SRGAP3: variants seen among roughly 807,000 people sequenced by gnomAD.
SRGAP3 encodes the protein SLIT-ROBO Rho GTPase activating protein 3.
A neutral mutation model predicts 121.1 loss-of-function variants in SRGAP3; 39 were observed. The observed-to-expected ratio is 0.32, with a 90% CI of 0.25 to 0.42. The LOEUF (loss-of-function observed/expected upper bound fraction) is 0.42. Among genes scored for constraint, SRGAP3 ranks in the 10% least tolerant of loss-of-function variants. The pLI, the probability that SRGAP3 is intolerant of heterozygous loss-of-function variation, is 1.00. For synonymous variants in SRGAP3, 601 were observed against 570.0 expected (o/e 1.05, Z -0.77); for missense variants, 1,213 against 1,470.6 (o/e 0.82, Z 2.86).
chr3:9,334,833 T>C (rs1325090609), intron 1 of SRGAP3, among the ~76,000 whole-genome samples: 1 of 152,238 alleles, frequency 6.6e-6, no homozygotes, highest in Non-Finnish European at 1.5e-5. Context: ...CCCTTAGCCC[T>C]CTGGTTCTTA....
At chr3:9,353,991 G>A (rs1014278593) in intron 1 of SRGAP3, among the ~76,000 whole-genome samples, 2 of 152,122 alleles carry the variant, frequency 1.3e-5, no homozygotes, top group African/African-American at 2.4e-5. Flanking sequence ...CTCACAGTGC[G>A]GGGGATCAAG....
chr3:9,072,008 A>T (rs1946745730), intron 4 of SRGAP3, among the ~76,000 whole-genome samples: 1 of 152,136 alleles, frequency 6.6e-6, no homozygotes, highest in East Asian at 1.9e-4. Context: ...ACAGAGTGTC[A>T]TTTTTATCTA....
intron 1 of SRGAP3, among the ~76,000 whole-genome samples, chr3:9,158,664 G>A (rs1488961205): frequency 4.6e-5 from 7 of 152,190 alleles, no homozygotes; most frequent in Non-Finnish European, 8.8e-5. Context: ...AGAAATTTAA[G>A]AAGCTATTCT....
At chr3:9,334,080 T>C (rs548738651) in intron 1 of SRGAP3, among the ~76,000 whole-genome samples, 34 of 152,210 alleles carry the variant, frequency 2.2e-4, no homozygotes, top group African/African-American at 7.2e-4. Flanking sequence ...TCATTTAACA[T>C]GATATTAACA....
At chr3:9,311,198 C>T (rs1004307513) in intron 3 of SRGAP3, among the ~76,000 whole-genome samples, 1 of 151,826 alleles carries the variant, frequency 6.6e-6, no homozygotes, top group African/African-American at 2.4e-5. Flanking sequence ...CATACACCGA[C>T]ACTTCCAGGT....
Position 8,999,159 on chromosome 3 carries a change from C to A in SRGAP3, c.2228-4636G>T, listed in dbSNP as rs185440133. 1.2e-3 allele frequency among the ~76,000 whole-genome samples: 181 copies of A among 152,314 alleles called. 4 individuals carry two copies. Among genetic ancestry groups the A allele is most frequent in the East Asian group, 5.8e-4 (3 of 5,180 alleles). On this transcript the variant is annotated intron_variant, in intron 18 of 21. Transcript: ENST00000383836. ...AGGGAAGAGATGAACAGCCCAGCCC[C>A]TGAGCTACAGGAGAGGTTGAGACTG...
intron 1 of SRGAP3, among the ~76,000 whole-genome samples, chr3:9,185,784 A>T (rs563837034): frequency 1.6e-4 from 25 of 151,906 alleles, no homozygotes; most frequent in Admixed American, 7.9e-4. Flanking sequence ...TGATCCTCCC[A>T]CCTCGGCTTC....
chr3:9,342,226 C>G (rs899076908), intron 1 of SRGAP3, among the ~76,000 whole-genome samples: 2 of 151,950 alleles, frequency 1.3e-5, no homozygotes, highest in African/African-American at 4.8e-5. Flanking sequence ...TGGCGCATGC[C>G]TATAGTCCCA....
intron 3 of SRGAP3, among the ~76,000 whole-genome samples, chr3:9,258,316 A>G (rs772430644): frequency 2.4e-4 from 36 of 152,172 alleles, no homozygotes; most frequent in Non-Finnish European, 3.7e-4. Flanking sequence ...AGCTAAGGGA[A>G]CTGCATGAGC....
intron 1 of SRGAP3, among the ~76,000 whole-genome samples, chr3:9,208,201 G>A (rs1952331411): frequency 6.6e-6 from 1 of 152,062 alleles, no homozygotes; most frequent in Admixed American, 6.5e-5. Flanking sequence ...AGATGTTTAT[G>A]GGTTTTGACC....
At chr3:9,244,803 T>C (rs1953765282) in intron 1 of SRGAP3, among the ~76,000 whole-genome samples, 1 of 152,226 alleles carries the variant, frequency 6.6e-6, no homozygotes, top group Admixed American at 6.5e-5. Context: ...GGACAGGAAG[T>C]AATGTCCATT....
chr3:9,121,917 T>C (rs981766388), intron 2 of SRGAP3, among the ~76,000 whole-genome samples: 1 of 152,192 alleles, frequency 6.6e-6, no homozygotes, highest in Non-Finnish European at 1.5e-5. Flanking sequence ...ATGTCTGCTG[T>C]GCCTGTGGTT....
chr3:9,101,594 G>A (rs1165469143), intron 3 of SRGAP3, among the ~76,000 whole-genome samples: 1 of 152,158 alleles, frequency 6.6e-6, no homozygotes, highest in East Asian at 1.9e-4. Flanking sequence ...AGAGCCCCTC[G>A]CCTCCCCACA....
At chr3:9,049,053 A>G (rs1208747048) in intron 9 of SRGAP3, among the ~76,000 whole-genome samples, 2 of 152,236 alleles carry the variant, frequency 1.3e-5, no homozygotes, top group Admixed American at 6.5e-5. Flanking sequence ...TAGTTTCTCA[A>G]AGAGAAACCC....
intron 4 of SRGAP3, among the ~76,000 whole-genome samples, chr3:9,066,887 T>C (rs988657472): frequency 2.0e-5 from 3 of 152,174 alleles, no homozygotes; most frequent in Non-Finnish European, 4.4e-5. Context: ...TGGCAACATA[T>C]ATTGTAGATC....
intron 1 of SRGAP3, among the ~76,000 whole-genome samples, chr3:9,185,313 A>G (rs1951560786): frequency 6.6e-6 from 1 of 152,118 alleles, no homozygotes; most frequent in African/African-American, 2.4e-5. Context: ...CTACCTGGCG[A>G]GGCCAGATTC....
rs1399976854 is a variant in SRGAP3 at position 9,025,784 on chromosome 3, T to C, written c.1601-446A>G. Among the ~76,000 whole-genome samples, 3 of 152,162 alleles carry C rather than the reference T, an allele frequency of 2.0e-5. No homozygotes were observed. In the East Asian group the frequency reaches 5.8e-4, roughly 29 times the overall value. ...TATACATGACATGACAGTAATGACA[T>C]AACAGCAGCCTGTACAACTGAAGGA... On this transcript the variant is annotated intron_variant, in intron 13 of 21. Transcript: ENST00000383836.
chr3:9,115,210 C>T (rs963547309), intron 2 of SRGAP3, among the ~76,000 whole-genome samples: 5 of 152,164 alleles, frequency 3.3e-5, no homozygotes, highest in African/African-American at 4.8e-5. Context: ...ACTCCTTCAA[C>T]TCTCACCAGG....
At chr3:8,996,843 TC>T (rs1487283583) in intron 18 of SRGAP3, among the ~76,000 whole-genome samples, 1 of 152,150 alleles carries the variant, frequency 6.6e-6, no homozygotes, top group Non-Finnish European at 1.5e-5. Context: ...TGACCCAGAT[TC>T]CCCAAACTAA....
Sources: gnomAD v4.1 joint callset for allele counts (sites outside exome capture counted in the v4.1 genomes callset) on GRCh38, gnomAD v4.1.1 for gene constraint, MANE v1.5 for transcripts, NCBI Gene and HGNC (gene_info 2026-07-23, HGNC 2026-07-21) for gene names.